MAFA: variants seen among roughly 807,000 people sequenced by gnomAD.
MAFA encodes MAF bZIP transcription factor A.
For synonymous variants in MAFA, 244 were observed against 260.3 expected, an observed-to-expected ratio of 0.94 and a Z score of 0.60; for missense variants, 547 against 538.0, an observed-to-expected ratio of 1.02 and a Z score of -0.16.
In MAFA at chr8:143,429,128, C is replaced by T. The variant is rs367544686; in HGVS notation, c.*217G>A. 2.4e-4 allele frequency: 99 copies of T among 411,512 alleles called. 1 individual carries two copies. The South Asian group carries it at 9.9e-3, about 41-fold the overall frequency. 25.5% of individuals were successfully genotyped at this position (411,512 alleles called of 1,614,324 possible). A position where few individuals can be genotyped will look rare whatever the true frequency, so the allele number is the denominator to read the frequency against. On this transcript the variant is annotated 3_prime_UTR_variant, in exon 1 of 1. Transcript: ENST00000333480. The surrounding 1 kb of genome is among the most constrained non-coding windows in gnomAD (Gnocchi z 5.9). ...AGTTTCCTTAGAAATCACCGTTCTC[C>T]GCTCAACCTCAGGACGGCGACCCGG...
chr8:143,429,419 C>T lies in MAFA; in HGVS notation c.988G>A (p.Gly330Ser), dbSNP rs745755397. ...RGGPGSAGGA[G>S]FPREPSPPQA... ...GGCGGCGAAGGCTCCCGCGGGAAACCGGCCCCGCCCGCGCTCCCGGGGCCG... is the reference window on the plus strand; with the variant it reads ...GGCGGCGAAGGCTCCCGCGGGAAACTGGCCCCGCCCGCGCTCCCGGGGCCG... Residue 330 changes from glycine to serine, a missense_variant, in exon 1 of 1, where the codon GGT (glycine) becomes AGT (serine). Transcript: ENST00000333480. This position sits in a 1 kb window ranked among gnomAD's most constrained non-coding sequence, Gnocchi z 5.9. 7.2e-6 allele frequency: 11 copies of T among 1,520,588 alleles called. No homozygotes were observed. Among genetic ancestry groups the T allele is most frequent in the Admixed American group, 2.1e-5 (1 of 47,544 alleles). The allele number at this position is 1,520,588 out of a possible 1,614,324, so 94.2% of individuals were successfully genotyped here. A position where few individuals can be genotyped will look rare whatever the true frequency, so the allele number is the denominator to read the frequency against.
chr8:143,430,084 G>A lies in MAFA; in HGVS notation c.323C>T (p.Ser108Leu). The change falls in exon 1 of 1, where the codon TCG (serine) becomes TTG (leucine). Residue 108 changes from serine to leucine, a missense_variant. By Grantham distance (145) the Ser-to-Leu change is moderately radical. Transcript: ENST00000333480. Reference protein sequence around the residue: ...SGGPGAVGGTSGKPALEDLYW... With the variant: ...SGGPGAVGGTLGKPALEDLYW... ...CAGATCCTCCAGCGCCGGCTTCCCC[G>A]AGGTGCCCCCGACGGCGCCGGGGCC... The A allele has an allele frequency of 8.2e-7, 1 of 1,217,704 alleles. No individual in the cohort carries two copies. The highest frequency in any genetic ancestry group is 1.0e-6 in the Non-Finnish European group (1 of 969,988). 75.4% of individuals were successfully genotyped at this position (1,217,704 alleles called of 1,614,324 possible). A position where few individuals can be genotyped will look rare whatever the true frequency, so the allele number is the denominator to read the frequency against.
Position 143,430,056 on chromosome 8 carries a change from G to T in MAFA, c.351C>A (p.Tyr117Ter). The change falls in exon 1 of 1, where the codon TAC (tyrosine) becomes TAA (stop). Residue 117 changes from tyrosine to a stop codon, truncating the protein, a stop_gained. Transcript: ENST00000333480. LOFTEE classifies it low-confidence loss of function (END_TRUNC). ...GGTGATGCTGGTAGCCGCTCATCCA[G>T]TACAGATCCTCCAGCGCCGGCTTCC... ...TSGKPALEDL[Y>*]WMSGYQHHLN... is the part of the protein sequence containing the mutation. The T allele has an allele frequency of 7.7e-7, 1 of 1,301,098 alleles. No individual in the cohort carries two copies. Among genetic ancestry groups the T allele is most frequent in the Admixed American group, 3.0e-5 (1 of 33,584 alleles). 80.6% of individuals were successfully genotyped at this position (1,301,098 alleles called of 1,614,324 possible).
chr8:143,429,999 C>A lies in MAFA; in HGVS notation c.408G>T (p.Glu136Asp), dbSNP rs1171495622. Residue 136 changes from glutamate (E) to aspartate (D), a missense_variant, in exon 1 of 1, where the codon GAG (glutamate) becomes GAT (aspartate). By Grantham distance (45) the Glu-to-Asp change is conservative. Coordinates refer to ENST00000333480, the MANE Select transcript of MAFA (RefSeq NM_201589.4). The surrounding 1 kb of genome is among the most constrained non-coding windows in gnomAD (Gnocchi z 5.9). ...LNPEALNLTP[E>D]DAVEALIGSG... ...TGCCGATGAGCGCCTCCACCGCGTC[C>A]TCGGGCGTCAGGTTGAGCGCCTCGG... The A allele has an allele frequency of 7.3e-7, 1 of 1,361,256 alleles. No individual in the cohort carries two copies. The highest frequency in any genetic ancestry group is 2.8e-5 in the Admixed American group (1 of 35,358). 84.3% of individuals were successfully genotyped at this position (1,361,256 alleles called of 1,614,324 possible).
Position 143,429,974 on chromosome 8 carries a change from T to G in MAFA, c.433A>C (p.Ser145Arg). ...PEDAVEALIG[S>R]GHHGAHHGAH... Reference sequence around the variant, plus strand: ...CCGTGGTGCGCGCCGTGGTGGCCGCTGCCGATGAGCGCCTCCACCGCGTCC... The same window carrying G: ...CCGTGGTGCGCGCCGTGGTGGCCGCGGCCGATGAGCGCCTCCACCGCGTCC... Residue 145 changes from serine to arginine, a missense_variant, in exon 1 of 1, where the codon AGC becomes CGC. By Grantham distance (110) the Ser-to-Arg change is moderately radical. Coordinates refer to ENST00000333480, the MANE Select transcript of MAFA (RefSeq NM_201589.4). This position sits in a 1 kb window ranked among gnomAD's most constrained non-coding sequence, Gnocchi z 5.9. 1 of 1,304,820 alleles carries G rather than the reference T, an allele frequency of 7.7e-7. No homozygotes were observed. Among genetic ancestry groups the G allele is most frequent in the Non-Finnish European group, 9.8e-7 (1 of 1,023,220 alleles). 80.8% of individuals were successfully genotyped at this position (1,304,820 alleles called of 1,614,324 possible). A position where few individuals can be genotyped will look rare whatever the true frequency, so the allele number is the denominator to read the frequency against.
chr8:143,430,108 C>T lies in MAFA; in HGVS notation c.299G>A (p.Gly100Asp), dbSNP rs756470274. The change falls in exon 1 of 1, where the codon GGC (glycine) becomes GAC (aspartate). Residue 100 changes from glycine to aspartate, a missense_variant. Coordinates refer to ENST00000333480, the MANE Select transcript of MAFA (RefSeq NM_201589.4). ...AGGAPGPPSG[G>D]PGAVGGTSGK... ...CGAGGTGCCCCCGACGGCGCCGGGGCCCCCGCTCGGCGGCCCGGGGGCGCC... is the reference window on the plus strand; with the variant it reads ...CGAGGTGCCCCCGACGGCGCCGGGGTCCCCGCTCGGCGGCCCGGGGGCGCC... 4 of 1,134,132 alleles carry T rather than the reference C, an allele frequency of 3.5e-6. No homozygotes were observed. The highest frequency in any genetic ancestry group is 3.7e-4 in the Middle Eastern group (1 of 2,736). 70.3% of individuals were successfully genotyped at this position (1,134,132 alleles called of 1,614,324 possible). A position where few individuals can be genotyped will look rare whatever the true frequency, so the allele number is the denominator to read the frequency against.
At position 143,429,724 on chromosome 8, in the gene MAFA, G is replaced by T. The variant is rs1243428122; in HGVS notation, c.683C>A (p.Ser228Tyr). 6.4e-7 allele frequency: 1 copy of T among 1,555,220 alleles called. No homozygotes were observed. The highest frequency in any genetic ancestry group is 8.6e-7 in the Non-Finnish European group (1 of 1,157,734). The change falls in exon 1 of 1, where the codon TCC (serine) becomes TAC (tyrosine). Residue 228 changes from serine to tyrosine, a missense_variant. Physicochemically the swap from Ser to Tyr is moderately radical, Grantham distance 144 (BLOSUM62 -2). Coordinates refer to ENST00000333480, the MANE Select transcript of MAFA (RefSeq NM_201589.4). The surrounding 1 kb of genome is among the most constrained non-coding windows in gnomAD (Gnocchi z 5.9). ...CGACATGGACACCAGCTGGTCGTCG[G>T]AGAAGCGCTCCTCCAGGCGCACGTG... ...GHHVRLEERF[S>Y]DDQLVSMSVR...
In MAFA at chr8:143,429,303, A is replaced by G; in HGVS notation, c.*42T>C. On this transcript the variant is annotated 3_prime_UTR_variant, in exon 1 of 1. Transcript: ENST00000333480. The surrounding 1 kb of genome is among the most constrained non-coding windows in gnomAD (Gnocchi z 5.9). ...CCGAGGCCCCGAGAGGCCTGCGCGA[A>G]CTTGTCCCCGGCGACGGCGGCGCGG... The G allele has an allele frequency of 7.6e-7, 1 of 1,307,374 alleles. No homozygotes were observed. The highest frequency in any genetic ancestry group is 9.6e-7 in the Non-Finnish European group (1 of 1,038,328). 81.0% of individuals were successfully genotyped at this position (1,307,374 alleles called of 1,614,324 possible). A position where few individuals can be genotyped will look rare whatever the true frequency, so the allele number is the denominator to read the frequency against.
In MAFA at chr8:143,428,317, CCT is replaced by C. The variant is rs1819480367; in HGVS notation, c.*1026_*1027del. 6.6e-6 allele frequency: 1 copy of C among 152,182 alleles called. No individual in the cohort carries two copies. The allele number at this position is 152,182 out of a possible 1,614,324, so 9.4% of individuals were successfully genotyped here. ...GGGCCTGGAGCACCCGCCTCCTCGC[CCT>C]CTCTCCCGGCTAGTCCAAAGAGCGA... On this transcript the variant is annotated 3_prime_UTR_variant, in exon 1 of 1. Transcript: ENST00000333480.
In MAFA at chr8:143,429,866, C is replaced by G; in HGVS notation, c.541G>C (p.Gly181Arg). The change falls in exon 1 of 1, where the codon GGC becomes CGC. Residue 181 changes from glycine (G) to arginine (R), a missense_variant. Transcript: ENST00000333480. The surrounding 1 kb of genome is among the most constrained non-coding windows in gnomAD (Gnocchi z 5.9). Reference protein sequence around the residue: ...FAGGGGADDMGAGHHHGAHHA... With the variant: ...FAGGGGADDMRAGHHHGAHHA... ...TGCGCGCCGTGGTGGTGGCCGGCGCCCATGTCGTCCGCTCCGCCGCCGCCC... is the reference window on the plus strand; with the variant it reads ...TGCGCGCCGTGGTGGTGGCCGGCGCGCATGTCGTCCGCTCCGCCGCCGCCC... 1 of 1,346,834 alleles carries G rather than the reference C, an allele frequency of 7.4e-7. No individual in the cohort carries two copies. Among genetic ancestry groups the G allele is most frequent in the Non-Finnish European group, 9.5e-7 (1 of 1,057,892 alleles). The allele number at this position is 1,346,834 out of a possible 1,614,324, so 83.4% of individuals were successfully genotyped here.
At position 143,430,061 on chromosome 8, in the gene MAFA, G is replaced by A. The variant is rs757006759; in HGVS notation, c.346C>T (p.Leu116=). Residue 116 remains leucine, a synonymous_variant, in exon 1 of 1, where the codon CTG becomes TTG. Coordinates refer to ENST00000333480, the MANE Select transcript of MAFA (RefSeq NM_201589.4). ...GTSGKPALED[L]YWMSGYQHHL... ...TGCTGGTAGCCGCTCATCCAGTACAGATCCTCCAGCGCCGGCTTCCCCGAG... is the reference window on the plus strand; with the variant it reads ...TGCTGGTAGCCGCTCATCCAGTACAAATCCTCCAGCGCCGGCTTCCCCGAG... 25 of 1,290,042 alleles carry A rather than the reference G, an allele frequency of 1.9e-5. 1 individual carries two copies. The South Asian group carries it at 4.9e-4, about 25-fold the overall frequency. 79.9% of individuals were successfully genotyped at this position (1,290,042 alleles called of 1,614,324 possible). A position where few individuals can be genotyped will look rare whatever the true frequency, so the allele number is the denominator to read the frequency against.
At position 143,430,136 on chromosome 8, in the gene MAFA, C is replaced by T; in HGVS notation, c.271G>A (p.Gly91Arg). The change falls in exon 1 of 1, where the codon GGG becomes AGG. Residue 91 changes from glycine (G) to arginine (R), a missense_variant. Transcript: ENST00000333480. Reference protein sequence around the residue: ...AGGGGGSSQAGGAPGPPSGGP... With the variant: ...AGGGGGSSQARGAPGPPSGGP... ...CCGCTCGGCGGCCCGGGGGCGCCCC[C>T]GGCCTGAGACGAGCCGCCGCCGCCC... The T allele has an allele frequency of 9.1e-7, 1 of 1,098,322 alleles. No individual in the cohort carries two copies. Among genetic ancestry groups the T allele is most frequent in the Non-Finnish European group, 1.1e-6 (1 of 907,194 alleles). 68.0% of individuals were successfully genotyped at this position (1,098,322 alleles called of 1,614,324 possible). A position where few individuals can be genotyped will look rare whatever the true frequency, so the allele number is the denominator to read the frequency against.
In MAFA at chr8:143,430,600, C is replaced by A. The variant is rs1426234630; in HGVS notation, c.-194G>T. Among the ~76,000 whole-genome samples, 1 of 140,600 alleles carries A rather than the reference C, an allele frequency of 7.1e-6. No homozygotes were observed. The highest frequency in any genetic ancestry group is 1.6e-5 in the Non-Finnish European group (1 of 62,830). The allele number at this position is 140,600 out of a possible 152,430, so 92.2% of individuals were successfully genotyped here. ...CAACTCCGGGGCGGCGCGCTAGGGG[C>A]ACCGCTGGCCAGGTGTCTCGGGCGA... is the stretch of plus-strand genomic sequence containing the variant. On this transcript the variant is annotated 5_prime_UTR_variant, in exon 1 of 1. Coordinates refer to ENST00000333480, the MANE Select transcript of MAFA (RefSeq NM_201589.4).
At position 143,429,788 on chromosome 8, in the gene MAFA, G is replaced by A; in HGVS notation, c.619C>T (p.His207Tyr). The A allele has an allele frequency of 3.6e-6, 2 of 559,198 alleles. No individual in the cohort carries two copies. The highest frequency in any genetic ancestry group is 3.7e-5 in the South Asian group (1 of 27,378). 34.6% of individuals were successfully genotyped at this position (559,198 alleles called of 1,614,324 possible). Reference protein sequence around the residue: ...AAHHHHHHHHHHGGAGHGGGA... With the variant: ...AAHHHHHHHHYHGGAGHGGGA... Reference sequence around the variant, plus strand: ...CCGCCGTGTCCCGCGCCGCCATGGTGGTGGTGGTGGTGGTGGTGGTGGTGG... The same window carrying A: ...CCGCCGTGTCCCGCGCCGCCATGGTAGTGGTGGTGGTGGTGGTGGTGGTGG... Residue 207 changes from histidine to tyrosine, a missense_variant, in exon 1 of 1, where the codon CAC becomes TAC. By Grantham distance (83) the His-to-Tyr change is moderately conservative. Coordinates refer to ENST00000333480, the MANE Select transcript of MAFA (RefSeq NM_201589.4). The surrounding 1 kb of genome is among the most constrained non-coding windows in gnomAD (Gnocchi z 5.9).
chr8:143,428,078 A>C lies in MAFA; in HGVS notation c.*1267T>G, dbSNP rs904944072. 1 of 152,248 alleles carries C rather than the reference A, an allele frequency of 6.6e-6. No individual in the cohort carries two copies. The highest frequency in any genetic ancestry group is 1.5e-5 in the Non-Finnish European group (1 of 68,042). 9.4% of individuals were successfully genotyped at this position (152,248 alleles called of 1,614,324 possible). On this transcript the variant is annotated 3_prime_UTR_variant, in exon 1 of 1. Transcript: ENST00000333480. ...GCTGCGGTGACTTGGATCTGAACAG[A>C]TTTATTTTGTGTATTTTTTTCTTTT...
At position 143,430,107 on chromosome 8, in the gene MAFA, GC is replaced by G. The variant is rs1819517650; in HGVS notation, c.299del (p.Gly100AlafsTer20). ...AGGAPGPPSG[G>X]PGAVGGTSGK... ...CCGAGGTGCCCCCGACGGCGCCGGG[GC>G]CCCCGCTCGGCGGCCCGGGGGCGCC... On this transcript the variant is annotated frameshift_variant, in exon 1 of 1. Transcript: ENST00000333480. LOFTEE classifies it low-confidence loss of function (END_TRUNC). The G allele has an allele frequency of 2.6e-6, 3 of 1,142,008 alleles. No homozygotes were observed. Among genetic ancestry groups the G allele is most frequent in the Non-Finnish European group, 2.2e-6 (2 of 930,058 alleles). The allele number at this position is 1,142,008 out of a possible 1,614,324, so 70.7% of individuals were successfully genotyped here.
chr8:143,430,164 C>G lies in MAFA; in HGVS notation c.243G>C (p.Ala81=). Residue 81 remains alanine, a synonymous_variant, in exon 1 of 1, where the codon GCG becomes GCC. Transcript: ENST00000333480. Reference sequence around the variant, plus strand: ...CCTGAGACGAGCCGCCGCCGCCCCCCGCGCCGCCGCCGCCGCCGGTGCCCG... The same window carrying G: ...CCTGAGACGAGCCGCCGCCGCCCCCGGCGCCGCCGCCGCCGCCGGTGCCCG... ...PSPGTGGGGG[A]GGGGGSSQAG... is the part of the protein sequence containing the mutation. The G allele has an allele frequency of 1.1e-5, 12 of 1,107,944 alleles. No homozygotes were observed. Among genetic ancestry groups the G allele is most frequent in the Non-Finnish European group, 1.3e-5 (12 of 912,246 alleles). 68.6% of individuals were successfully genotyped at this position (1,107,944 alleles called of 1,614,324 possible). A position where few individuals can be genotyped will look rare whatever the true frequency, so the allele number is the denominator to read the frequency against.
chr8:143,429,811 TGGG>T lies in MAFA; in HGVS notation c.593_595del (p.Ala198_His199delinsAsp), dbSNP rs1176020234. The T allele has an allele frequency of 2.1e-6, 3 of 1,453,576 alleles. No homozygotes were observed. Among genetic ancestry groups the T allele is most frequent in the African/African-American group, 1.6e-5 (1 of 60,976 alleles). 90.0% of individuals were successfully genotyped at this position (1,453,576 alleles called of 1,614,324 possible). A position where few individuals can be genotyped will look rare whatever the true frequency, so the allele number is the denominator to read the frequency against. On this transcript the variant is annotated inframe_deletion, in exon 1 of 1. Coordinates refer to ENST00000333480, the MANE Select transcript of MAFA (RefSeq NM_201589.4). The surrounding 1 kb of genome is among the most constrained non-coding windows in gnomAD (Gnocchi z 5.9). ...GTGGTGGTGGTGGTGGTGGTGGTGG[TGGG>T]CGGCGTGGTGATGGTGGGCGGCGTG...
Position 143,429,998 on chromosome 8 carries a change from C to T in MAFA, c.409G>A (p.Asp137Asn). Residue 137 changes from aspartate to asparagine, a missense_variant, in exon 1 of 1, where the codon GAC becomes AAC. Transcript: ENST00000333480. This position sits in a 1 kb window ranked among gnomAD's most constrained non-coding sequence, Gnocchi z 5.9. The stretch of plus-strand genomic sequence containing the variant: ...CTGCCGATGAGCGCCTCCACCGCGT[C>T]CTCGGGCGTCAGGTTGAGCGCCTCG... ...NPEALNLTPE[D>N]AVEALIGSGH... The T allele has an allele frequency of 1.5e-6, 2 of 1,360,100 alleles. No homozygotes were observed. Among genetic ancestry groups the T allele is most frequent in the Non-Finnish European group, 1.9e-6 (2 of 1,048,526 alleles). The allele number at this position is 1,360,100 out of a possible 1,614,324, so 84.3% of individuals were successfully genotyped here.
Sources: gnomAD v4.1 joint callset for allele counts (sites outside exome capture counted in the v4.1 genomes callset) on GRCh38, gnomAD v4.1.1 for gene constraint, Gnocchi (gnomAD v3.1) non-coding constraint, MANE v1.5 for transcripts, NCBI Gene and HGNC (gene_info 2026-07-23, HGNC 2026-07-21) for gene names.